Variants in PTPRD observed in about 807,000 individuals in gnomAD.
PTPRD encodes the protein receptor-type tyrosine-protein phosphatase delta.
Under a neutral mutation model 214.5 loss-of-function variants are expected in PTPRD, and 34 were observed. The ratio of observed to expected loss-of-function variants is 0.16; its 90% CI spans 0.12 to 0.21. The LOEUF is 0.21. Ranked by LOEUF, PTPRD falls within the 10% of genes least tolerant of loss-of-function variation. The pLI is 1.00. For synonymous variants in PTPRD, 1,128 were observed against 845.7 expected, an observed-to-expected ratio of 1.33 and a Z score of -5.79; for missense variants, 2,545 against 2,398.7, an observed-to-expected ratio of 1.06 and a Z score of -1.27.
At chr9:9,012,048 C>G (rs1302445832) in intron 11 of PTPRD, among the ~76,000 whole-genome samples, 1 of 152,170 alleles carries the variant, frequency 6.6e-6, no homozygotes, top group Non-Finnish European at 1.5e-5. Flanking sequence ...CCCTTTCTGA[C>G]TTTAAAGAAG....
At chr9:9,636,858 G>A (rs1044365011) in intron 7 of PTPRD, among the ~76,000 whole-genome samples, 1 of 152,150 alleles carries the variant, frequency 6.6e-6, no homozygotes, top group Non-Finnish European at 1.5e-5. Flanking sequence ...TGGAGGCTGG[G>A]AAGCCTAAGA....
chr9:10,047,530 C>T (rs1448576591), intron 3 of PTPRD, among the ~76,000 whole-genome samples: 4 of 151,972 alleles, frequency 2.6e-5, no homozygotes, highest in Non-Finnish European at 1.5e-5. Context: ...CTTGTGTTTG[C>T]AATTTAGCAT....
chr9:9,892,827 A>T (rs1213854118), intron 5 of PTPRD, among the ~76,000 whole-genome samples: 1 of 152,090 alleles, frequency 6.6e-6, no homozygotes, highest in Admixed American at 6.6e-5. Context: ...AGTTTAAGGT[A>T]ATGTTAAAAA....
intron 4 of PTPRD, among the ~76,000 whole-genome samples, chr9:9,987,518 C>A (rs2095758429): frequency 6.6e-6 from 1 of 152,026 alleles, no homozygotes; most frequent in African/African-American, 2.4e-5. Flanking sequence ...CTCATGAGAC[C>A]AATTCACTAT....
chr9:9,278,646 G>A (rs1946542515), intron 9 of PTPRD, among the ~76,000 whole-genome samples: 1 of 151,246 alleles, frequency 6.6e-6, no homozygotes, highest in South Asian at 2.1e-4. Flanking sequence ...TACAGTATGT[G>A]GTTGGCCTGC....
chr9:8,653,261 C>A (rs1393894642), intron 12 of PTPRD, among the ~76,000 whole-genome samples: 1 of 152,078 alleles, frequency 6.6e-6, no homozygotes, highest in Non-Finnish European at 1.5e-5. Flanking sequence ...ACATAAATGG[C>A]CTCTGGGGGC....
intron 10 of PTPRD, among the ~76,000 whole-genome samples, chr9:9,046,504 A>C (rs184775843): frequency 1.3e-5 from 2 of 152,334 alleles, no homozygotes; most frequent in Admixed American, 6.5e-5. Context: ...CACTCCAAAT[A>C]GTTTAAAAAG....
chr9:8,879,896 G>A (rs889359094), intron 11 of PTPRD, among the ~76,000 whole-genome samples: 1 of 152,184 alleles, frequency 6.6e-6, no homozygotes, highest in Non-Finnish European at 1.5e-5. Flanking sequence ...TGTGTAAGGA[G>A]AGAAGAGTGA....
At chr9:10,030,599 A>G (rs749937074) in intron 4 of PTPRD, among the ~76,000 whole-genome samples, 5 of 152,186 alleles carry the variant, frequency 3.3e-5, no homozygotes, top group Non-Finnish European at 2.9e-5. Context: ...ACCTGGGAGA[A>G]GGAAAGGCTC....
chr9:10,235,256 ATTTCC>A (rs2099625235), intron 3 of PTPRD, among the ~76,000 whole-genome samples: 1 of 152,006 alleles, frequency 6.6e-6, no homozygotes. Flanking sequence ...AAGTCTCTGA[ATTTCC>A]ATAACCTTAT....
intron 3 of PTPRD, among the ~76,000 whole-genome samples, chr9:10,273,983 G>C (rs916119022): frequency 2.6e-4 from 14 of 53,684 alleles, no homozygotes; most frequent in Non-Finnish European, 7.9e-4. Flanking sequence ...CTCATGCTTT[G>C]TGTCACAAGA....
At position 8,811,297 on chromosome 9, in the gene PTPRD, T is replaced by C. The variant is rs2096797730; in HGVS notation, c.-103-77351A>G. Among the ~76,000 whole-genome samples the C allele has an allele frequency of 2.6e-5, 4 of 151,960 alleles. No homozygotes were observed. In the South Asian group the frequency reaches 8.3e-4, roughly 32 times the overall value. ...GCTCAACATTCTACCACCAAGATGC[T>C]GGCATTTATACCACTCAACTTCACC... On this transcript the variant is annotated intron_variant, in intron 11 of 45. Transcript: ENST00000381196.
chr9:9,620,272 C>G (rs2095165258), intron 7 of PTPRD, among the ~76,000 whole-genome samples: 1 of 152,102 alleles, frequency 6.6e-6, no homozygotes, highest in Non-Finnish European at 1.5e-5. Flanking sequence ...ATACCGATAC[C>G]TACATTTATC....
chr9:9,075,287 CCTTTT>C (rs1207700249), intron 10 of PTPRD, among the ~76,000 whole-genome samples: 13 of 151,970 alleles, frequency 8.6e-5, no homozygotes, highest in Admixed American at 7.2e-4. Flanking sequence ...TTTATCCTTT[CCTTTT>C]GTTACAAACA....
At chr9:9,937,315 C>T (rs571307466) in intron 5 of PTPRD, among the ~76,000 whole-genome samples, 19 of 150,842 alleles carry the variant, frequency 1.3e-4, no homozygotes, top group African/African-American at 2.2e-4. Context: ...TAAAAGTTAT[C>T]TTATAAAGAC....
chr9:9,436,785 G>A lies in PTPRD; in HGVS notation c.-236-39303C>T, dbSNP rs575448641. On this transcript the variant is annotated intron_variant, in intron 8 of 45. Coordinates refer to ENST00000381196, the MANE Select transcript of PTPRD (RefSeq NM_002839.4). Reference sequence around the variant, plus strand: ...CACAGCACATATGCATACATTTTCAGTCAAGCAAATCTGTACCGCAGAATT... The same window carrying A: ...CACAGCACATATGCATACATTTTCAATCAAGCAAATCTGTACCGCAGAATT... Among the ~76,000 whole-genome samples the A allele has an allele frequency of 1.6e-3, 250 of 152,010 alleles. 1 individual carries two copies. Among genetic ancestry groups the A allele is most frequent in the Non-Finnish European group, 3.0e-3 (203 of 67,998 alleles).
intron 14 of PTPRD, among the ~76,000 whole-genome samples, chr9:8,545,141 C>G (rs1270237042): frequency 6.6e-6 from 1 of 152,106 alleles, no homozygotes; most frequent in Non-Finnish European, 1.5e-5. Context: ...TAACAAACAG[C>G]ACATTGCTCC....
At chr9:8,360,972 T>C (rs1462791652) in intron 39 of PTPRD, among the ~76,000 whole-genome samples, 1 of 152,238 alleles carries the variant, frequency 6.6e-6, no homozygotes. Flanking sequence ...TGCACATATA[T>C]TGATGAGGTA....
chr9:10,475,191 C>T (rs1368459776), intron 2 of PTPRD, among the ~76,000 whole-genome samples: 1 of 151,976 alleles, frequency 6.6e-6, no homozygotes, highest in African/African-American at 2.4e-5. Flanking sequence ...TCAGTGAATC[C>T]AGGAGCGGAT....
Sources: gnomAD v4.1 joint callset for allele counts (sites outside exome capture counted in the v4.1 genomes callset) on GRCh38, gnomAD v4.1.1 for gene constraint, MANE v1.5 for transcripts, NCBI Gene and HGNC (gene_info 2026-07-23, HGNC 2026-07-21) for gene names.